CNTN4: variants seen among roughly 807,000 people sequenced by gnomAD.
CNTN4 encodes contactin 4, also known as contactin-4.
Under a neutral mutation model 122.5 loss-of-function variants are expected in CNTN4, and 77 were observed. That is an observed-to-expected ratio of 0.63 (90% confidence interval 0.52 to 0.76). The LOEUF is 0.76. Among genes scored for constraint, CNTN4 ranks in the 30% least tolerant of loss-of-function variants. The pLI is 0.00. For synonymous variants in CNTN4, 512 were observed against 447.0 expected (o/e 1.15, Z -1.83); for missense variants, 1,256 against 1,259.1 (o/e 1.00, Z 0.04).
chr3:3,009,637 G>T (rs1480960005), intron 14 of CNTN4, among the ~76,000 whole-genome samples: 4 of 152,044 alleles, frequency 2.6e-5, no homozygotes. Context: ...GTTTCACCGT[G>T]TTAGCCAGGA....
chr3:2,888,589 G>A (rs2094003929), intron 10 of CNTN4, among the ~76,000 whole-genome samples: 1 of 152,032 alleles, frequency 6.6e-6, no homozygotes, highest in African/African-American at 2.4e-5. Context: ...TGCACATGCA[G>A]ATGGTTCTCC....
rs531873533 is a variant in CNTN4 at position 2,656,791 on chromosome 3, G to A, written c.56-79424G>A. ...GAGGTGGTCTTTAGACCCCAATGTC[G>A]GTATCTGTTCAAGTATTCTATTCGT... On this transcript the variant is annotated intron_variant, in intron 4 of 24. Transcript: ENST00000418658. Among the ~76,000 whole-genome samples, 10 of 152,230 alleles carry A rather than the reference G, an allele frequency of 6.6e-5. No homozygotes were observed. The South Asian group carries it at 1.9e-3, about 28-fold the overall frequency.
chr3:2,868,666 A>G (rs927077145), intron 8 of CNTN4, among the ~76,000 whole-genome samples: 14 of 152,192 alleles, frequency 9.2e-5, no homozygotes, highest in Non-Finnish European at 1.8e-4. Context: ...TCCATTTAAC[A>G]TACATTTATT....
intron 3 of CNTN4, among the ~76,000 whole-genome samples, chr3:2,461,105 C>A (rs1407367651): frequency 2.0e-5 from 3 of 152,086 alleles, no homozygotes; most frequent in African/African-American, 7.2e-5. Flanking sequence ...TTCCAAGGAA[C>A]CTTGAGGCCC....
intron 13 of CNTN4, among the ~76,000 whole-genome samples, chr3:2,926,256 A>G (rs1311679602): frequency 6.6e-6 from 1 of 152,200 alleles, no homozygotes; most frequent in East Asian, 1.9e-4. Flanking sequence ...TTCAAAACTC[A>G]TACTTCAAAC....
chr3:2,109,020 G>A (rs991470209), intron 2 of CNTN4, among the ~76,000 whole-genome samples: 1 of 152,228 alleles, frequency 6.6e-6, no homozygotes, highest in Non-Finnish European at 1.5e-5. Context: ...GGGCAAGCAA[G>A]TCAGTGAGAG....
At position 2,761,437 on chromosome 3, in the gene CNTN4, CCTGT is replaced by C. The variant is rs1473997553; in HGVS notation, c.358+15741_358+15744del. 6.6e-4 allele frequency among the ~76,000 whole-genome samples: 86 copies of C among 130,462 alleles called. No individual in the cohort carries two copies. The East Asian group carries it at 7.4e-3, about 11-fold the overall frequency. 85.6% of individuals were successfully genotyped at this position (130,462 alleles called of 152,430 possible). ...GATTAAATATGCCTGGTAAGTGTAA[CCTGT>C]GTGTGTGTGTGTGTGTGTGTGTGTG... On this transcript the variant is annotated intron_variant, in intron 6 of 24. Transcript: ENST00000418658.
chr3:2,426,878 C>G (rs2047856768), intron 3 of CNTN4, among the ~76,000 whole-genome samples: 1 of 152,194 alleles, frequency 6.6e-6, no homozygotes, highest in Non-Finnish European at 1.5e-5. Flanking sequence ...GTAGTATTCT[C>G]TGATGGTAGT....
chr3:2,197,737 C>T (rs868084602), intron 2 of CNTN4, among the ~76,000 whole-genome samples: 2 of 152,054 alleles, frequency 1.3e-5, no homozygotes, highest in Non-Finnish European at 2.9e-5. Flanking sequence ...GAATTCTGTC[C>T]AGGCACGGTG....
intron 3 of CNTN4, among the ~76,000 whole-genome samples, chr3:2,357,915 A>G (rs1254807328): frequency 2.6e-5 from 4 of 152,220 alleles, no homozygotes; most frequent in Non-Finnish European, 5.9e-5. Context: ...TCTACAGAAT[A>G]CATCCTATTT....
chr3:2,369,737 G>A (rs942804236), intron 3 of CNTN4, among the ~76,000 whole-genome samples: 1 of 151,952 alleles, frequency 6.6e-6, no homozygotes, highest in African/African-American at 2.4e-5. Flanking sequence ...GCAGAGCCCT[G>A]CATTGCATCT....
chr3:2,107,630 T>C (rs2032561732), intron 2 of CNTN4, among the ~76,000 whole-genome samples: 1 of 152,118 alleles, frequency 6.6e-6, no homozygotes, highest in African/African-American at 2.4e-5. Context: ...AACCAAACCA[T>C]ATCAGCTGGT....
At chr3:2,175,692 C>T (rs2036719855) in intron 2 of CNTN4, among the ~76,000 whole-genome samples, 1 of 152,016 alleles carries the variant, frequency 6.6e-6, no homozygotes, top group South Asian at 2.1e-4. Context: ...AGAGGTGGGT[C>T]CCTGTCCCCA....
chr3:2,101,346 A>C (rs896648490), intron 2 of CNTN4, among the ~76,000 whole-genome samples: 2 of 152,194 alleles, frequency 1.3e-5, no homozygotes, highest in Non-Finnish European at 2.9e-5. Flanking sequence ...ATTCCCATGC[A>C]TGGTACTGAC....
At chr3:2,280,692 A>G (rs1177643078) in intron 2 of CNTN4, among the ~76,000 whole-genome samples, 1 of 152,224 alleles carries the variant, frequency 6.6e-6, no homozygotes, top group Non-Finnish European at 1.5e-5. Context: ...TTTTTCATGG[A>G]AAAACCCAAC....
chr3:2,875,906 T>A (rs2093838867), intron 8 of CNTN4, among the ~76,000 whole-genome samples: 1 of 152,200 alleles, frequency 6.6e-6, no homozygotes, highest in African/African-American at 2.4e-5. Flanking sequence ...AACTGGAAAC[T>A]ATTAGCTCAT....
intron 2 of CNTN4, among the ~76,000 whole-genome samples, chr3:2,307,813 C>G (rs1626263): frequency 0.3 from 46,015 of 151,514 alleles, 8,213 homozygotes; most frequent in African/African-American, 0.5. Context: ...GGTCATAATT[C>G]TTTTTATCTG....
intron 3 of CNTN4, among the ~76,000 whole-genome samples, chr3:2,484,264 A>G (rs1489687628): frequency 6.6e-6 from 1 of 152,256 alleles, no homozygotes; most frequent in Non-Finnish European, 1.5e-5. Context: ...CTACATGCTT[A>G]TTAGAACAAT....
chr3:2,209,026 A>G (rs192001166), intron 2 of CNTN4, among the ~76,000 whole-genome samples: 1 of 152,166 alleles, frequency 6.6e-6, no homozygotes, highest in Non-Finnish European at 1.5e-5. Flanking sequence ...TTGATCTGGA[A>G]TCAAATTCAC....
Sources: allele counts gnomAD v4.1 joint callset (sites outside exome capture counted in the v4.1 genomes callset), GRCh38; gene constraint gnomAD v4.1.1; transcripts MANE v1.5; gene names NCBI Gene and HGNC (gene_info 2026-07-23, HGNC 2026-07-21).